The following CEP295 variants were observed in gnomAD, a reference collection of about 807,000 sequenced individuals.
The protein encoded by CEP295 is centrosomal protein 295.
A neutral mutation model predicts 291.6 loss-of-function variants in CEP295; 190 were observed. That is an observed-to-expected ratio of 0.65 (90% CI 0.58 to 0.73). The LOEUF (loss-of-function observed/expected upper bound fraction) is 0.73, where lower values mean the gene tolerates loss of function less well. CEP295 is among the 30% of genes least tolerant of loss of function. The pLI, the probability that CEP295 is intolerant of heterozygous loss-of-function variation, is 0.00. For missense variants in CEP295, 2,863 were observed against 2,949.4 expected (o/e 0.97, Z 0.68); for synonymous variants, 993 against 1,038.8 (o/e 0.96, Z 0.85).
rs559199768 is a variant in CEP295, at chr11:93,667,775, A to T, written c.277A>T (p.Met93Leu). 6 of 1,551,400 alleles carry T rather than the reference A, an allele frequency of 3.9e-6. No individual in the cohort carries two copies. Among genetic ancestry groups the T allele is most frequent in the South Asian group, 2.4e-5 (2 of 84,048 alleles). The change falls in exon 3 of 30, where the codon ATG becomes TTG. Residue 93 changes from methionine (M) to leucine (L), a missense_variant. This residue lies in a region of CEP295 where 554 missense variants were observed against 576.0 expected (regional missense o/e 0.96). Transcript: ENST00000325212. ...ACTGTATTTGGCAAGTTTAAGAAGT[A>T]TGGGAGAGGGACATCGACAGGCCAA... Reference protein sequence around the residue: ...EKLYLASLRSMGEGHRQAKEN... With the variant: ...EKLYLASLRSLGEGHRQAKEN...
rs1954222818 is a variant in CEP295 at position 93,727,313 on chromosome 11, G to A, written c.6837G>A (p.Met2279Ile). ...KHQLESRKES[M>I]GFEELSKRGV... ...AACTAGAAAGCAGAAAGGAAAGTAT[G>A]GGCTTTGAAGAACTATCAAAAAGAG... The change falls in exon 24 of 30, where the codon ATG becomes ATA. Residue 2279 changes from methionine to isoleucine, a missense_variant. Physicochemically the swap from Met to Ile is conservative, Grantham distance 10. This residue lies in a region of CEP295 where 2,295 missense variants were observed against 2,335.7 expected (regional missense o/e 0.98). Transcript: ENST00000325212. 1.9e-6 allele frequency: 3 copies of A among 1,551,528 alleles called. No homozygotes were observed. Among genetic ancestry groups the A allele is most frequent in the African/African-American group, 2.7e-5 (2 of 73,148 alleles).
chr11:93,723,410 C>A, intron 21 of CEP295, 121 bp downstream of exon 21: 1 of 713,716 alleles, frequency 1.4e-6, no homozygotes. Flanking sequence ...GCTACAACAC[C>A]GTTTTACCAC....
At chr11:93,665,791 T>TA (rs1210361878) in intron 1 of CEP295, among the ~76,000 whole-genome samples, 1 of 152,294 alleles carries the variant, frequency 6.6e-6, no homozygotes, top group East Asian at 1.9e-4. Context: ...TCACTATAAT[T>TA]ATTGAAGAAT....
At chr11:93,719,667 TTGTTC>T (rs1419189479) in intron 18 of CEP295, 2 of 152,156 alleles carry the variant, frequency 1.3e-5, no homozygotes, top group African/African-American at 4.8e-5. Flanking sequence ...ATCGGACTCT[TTGTTC>T]TATTCTTTTC....
chr11:93,687,727 C>A lies in CEP295; in HGVS notation c.1198C>A (p.Leu400Ile). ...AAATAAGATCCGAAGCCAAAAATCT[C>A]TCTGGACAATTAAATCTATGTCTGA... ...LLNKIRSQKSLWTIKSMSEDE... is the reference protein window; with the variant it reads ...LLNKIRSQKSIWTIKSMSEDE... The change falls in exon 10 of 30, where the codon CTC (leucine) becomes ATC (isoleucine). Residue 400 changes from leucine to isoleucine, a missense_variant. Physicochemically the swap from Leu to Ile is conservative, Grantham distance 5 (BLOSUM62 2). Transcript: ENST00000325212. The A allele has an allele frequency of 6.5e-7, 1 of 1,549,778 alleles. No individual in the cohort carries two copies. The highest frequency in any genetic ancestry group is 8.7e-7 in the Non-Finnish European group (1 of 1,145,580).
chr11:93,721,104 G>T (rs1416270812), intron 18 of CEP295, among the ~76,000 whole-genome samples: 1 of 152,072 alleles, frequency 6.6e-6, no homozygotes, highest in Non-Finnish European at 1.5e-5. Flanking sequence ...CAGTTTTCCA[G>T]GAAAAAGTAT....
In CEP295 at chr11:93,715,141, G is replaced by A. The variant is rs146459456; in HGVS notation, c.5750-6171G>A. Among the ~76,000 whole-genome samples, 134 of 152,198 alleles carry A rather than the reference G, an allele frequency of 8.8e-4. 2 individuals carry two copies. Among genetic ancestry groups the A allele is most frequent in the African/African-American group, 3.0e-3 (124 of 41,538 alleles). On this transcript the variant is annotated intron_variant, in intron 18 of 29. Coordinates refer to ENST00000325212, the MANE Select transcript of CEP295 (RefSeq NM_033395.2). ...TGTCCAGGAGTCAGTGCCTGGAATC[G>A]GGATCTTTAGAACTCTACTGGGTAC...
chr11:93,694,782 T>C (rs926511501), intron 12 of CEP295, among the ~76,000 whole-genome samples: 1 of 152,250 alleles, frequency 6.6e-6, no homozygotes, highest in African/African-American at 2.4e-5. Context: ...TTATGAATTA[T>C]TTCTGGAATT....
chr11:93,727,716 G>A, intron 24 of CEP295, 79 bp downstream of exon 24: 1 of 1,170,664 alleles, frequency 8.5e-7, no homozygotes, highest in East Asian at 2.6e-5. Context: ...AATTAGAGAT[G>A]AAGTTCCCAC....
intron 19 of CEP295, 46 bp from the exon 20 acceptor site, chr11:93,721,908 C>T (rs758017816): frequency 1.7e-5 from 23 of 1,362,990 alleles, no homozygotes; most frequent in Non-Finnish European, 2.3e-5. Context: ...GGTTTTCTTA[C>T]ATACTACTTG....
At chr11:93,728,532 G>T (rs1937724789) in intron 24 of CEP295, 149 bp from the exon 25 acceptor site, 1 of 568,482 alleles carries the variant, frequency 1.8e-6, no homozygotes, top group Non-Finnish European at 3.0e-6. Flanking sequence ...AAGGAAATCT[G>T]ATCTGTTGGT....
At chr11:93,715,217 G>A (rs984988709) in intron 18 of CEP295, among the ~76,000 whole-genome samples, 1 of 152,042 alleles carries the variant, frequency 6.6e-6, no homozygotes, top group African/African-American at 2.4e-5. Context: ...CCTTTCCACT[G>A]TTCCCTCCCC....
rs1418959945 is a variant in CEP295, at chr11:93,669,713, A to G, written c.471A>G (p.Glu157=). The G allele has an allele frequency of 3.2e-6, 5 of 1,550,892 alleles. No homozygotes were observed. Among genetic ancestry groups the G allele is most frequent in the Non-Finnish European group, 4.4e-6 (5 of 1,146,326 alleles). Residue 157 remains glutamate, a synonymous_variant, in exon 5 of 30, where the codon GAA becomes GAG. Transcript: ENST00000325212. ...CTCGAAAGGAAGCACTGCTTGTGGA[A>G]AAAGAGAGATCAGCCAAAATTACAA... ...IKARKEALLV[E]KERSAKITSL...
At chr11:93,710,340 T>A (rs1012428828) in intron 18 of CEP295, among the ~76,000 whole-genome samples, 1 of 152,232 alleles carries the variant, frequency 6.6e-6, no homozygotes, top group Non-Finnish European at 1.5e-5. Flanking sequence ...CATGAAGGAA[T>A]GTTGAATTTT....
chr11:93,682,756 C>T, intron 7 of CEP295, among the ~76,000 whole-genome samples: 1 of 152,220 alleles, frequency 6.6e-6, no homozygotes, highest in East Asian at 1.9e-4. Context: ...TTTTATCTTC[C>T]TTCCCTAATC....
chr11:93,697,970 C>T lies in CEP295; in HGVS notation c.3058C>T (p.Gln1020Ter). The T allele has an allele frequency of 6.4e-7, 1 of 1,551,638 alleles. No homozygotes were observed. Among genetic ancestry groups the T allele is most frequent in the Non-Finnish European group, 8.7e-7 (1 of 1,146,964 alleles). Residue 1020 changes from glutamine (Q) to a stop codon, truncating the protein, a stop_gained, in exon 15 of 30, where the codon CAA (glutamine) becomes TAA (stop). Coordinates refer to ENST00000325212, the MANE Select transcript of CEP295 (RefSeq NM_033395.2). LOFTEE classifies it high-confidence loss of function. ...ADTKSGKIQE[Q>*]HSSKSEKGLV... is the part of the protein sequence containing the mutation. ...TACAAAATCTGGAAAAATACAGGAG[C>T]AACATTCATCTAAGAGCGAGAAAGG...
intron 18 of CEP295, among the ~76,000 whole-genome samples, chr11:93,717,215 G>C (rs1478628796): frequency 6.6e-6 from 1 of 152,178 alleles, no homozygotes; most frequent in African/African-American, 2.4e-5. Flanking sequence ...ACAGTTGGTG[G>C]AAGCTTCTAT....
At chr11:93,666,910 A>C in intron 2 of CEP295, 95 bp downstream of exon 2, 1 of 721,174 alleles carries the variant, frequency 1.4e-6, no homozygotes, top group Non-Finnish European at 2.2e-6. Context: ...GTATTTAAAA[A>C]CCTCTTCTGG....
In CEP295 at chr11:93,698,234, C is replaced by T. The variant is rs1045311123; in HGVS notation, c.3322C>T (p.His1108Tyr). 2 of 1,551,838 alleles carry T rather than the reference C, an allele frequency of 1.3e-6. No homozygotes were observed. Among genetic ancestry groups the T allele is most frequent in the Admixed American group, 2.0e-5 (1 of 50,984 alleles). The change falls in exon 15 of 30, where the codon CAT becomes TAT. Residue 1108 changes from histidine to tyrosine, a missense_variant. By Grantham distance (83) the His-to-Tyr change is moderately conservative. This residue lies in a region of CEP295 where 2,295 missense variants were observed against 2,335.7 expected (regional missense o/e 0.98). Coordinates refer to ENST00000325212, the MANE Select transcript of CEP295 (RefSeq NM_033395.2). ...SSSSSPVVVQ[H>Y]SVASQASAKA... Reference sequence around the variant, plus strand: ...TTCATCCTCACCAGTGGTTGTTCAGCATTCAGTTGCTTCACAAGCTTCTGC... The same window carrying T: ...TTCATCCTCACCAGTGGTTGTTCAGTATTCAGTTGCTTCACAAGCTTCTGC...
Sources: gnomAD v4.1 joint callset for allele counts (sites outside exome capture counted in the v4.1 genomes callset) on GRCh38, gnomAD v4.1.1 for gene constraint, gnomAD v4.1.1 regional missense constraint, MANE v1.5 for transcripts, NCBI Gene and HGNC (gene_info 2026-07-23, HGNC 2026-07-21) for gene names.